The following PCDH9 variants were observed in gnomAD, a reference collection of about 807,000 sequenced individuals.
PCDH9 encodes the protein protocadherin 9.
A neutral mutation model predicts 70.6 loss-of-function variants in PCDH9; 24 were observed. The ratio of observed to expected loss-of-function variants is 0.34; its 90% CI spans 0.25 to 0.48. PCDH9 has a LOEUF of 0.48. PCDH9 is among the 20% of genes least tolerant of loss of function. The pLI, the probability that PCDH9 is intolerant of heterozygous loss-of-function variation, is 0.99. For missense variants in PCDH9, 1,281 were observed against 1,503.6 expected (o/e 0.85, Z 2.45); for synonymous variants, 562 against 558.5 (o/e 1.01, Z -0.09).
intron 3 of PCDH9, among the ~76,000 whole-genome samples, chr13:66,845,911 C>G (rs913859875): frequency 3.3e-5 from 5 of 152,034 alleles, no homozygotes; most frequent in African/African-American, 1.2e-4. Context: ...TATACTTTAT[C>G]ATATAAACAC....
At chr13:66,599,149 A>AAGCT (rs2077136106) in intron 4 of PCDH9, among the ~76,000 whole-genome samples, 1 of 151,686 alleles carries the variant, frequency 6.6e-6, no homozygotes, top group Non-Finnish European at 1.5e-5. Flanking sequence ...TATGCATTTT[A>AAGCT]TTTTCATTTA....
At position 67,127,674 on chromosome 13, in the gene PCDH9, A is replaced by ATGTGTG. The variant is rs772540157; in HGVS notation, c.3036+97730_3036+97731insCACACA. On this transcript the variant is annotated intron_variant, in intron 2 of 4. Transcript: ENST00000377865. ...CAAGACTTTTTTATCATATATATAT[A>ATGTGTG]TATGTGTGTGTGTGTGTGTGTGTGT... Among the ~76,000 whole-genome samples the ATGTGTG allele has an allele frequency of 1.2e-3, 74 of 59,248 alleles. 1 individual carries two copies. Among genetic ancestry groups the ATGTGTG allele is most frequent in the Admixed American group, 3.3e-3 (15 of 4,514 alleles). 38.9% of individuals were successfully genotyped at this position (59,248 alleles called of 152,430 possible).
At chr13:66,769,133 A>T (rs2079763931) in intron 3 of PCDH9, among the ~76,000 whole-genome samples, 1 of 152,134 alleles carries the variant, frequency 6.6e-6, no homozygotes, top group Admixed American at 6.5e-5. Flanking sequence ...TTAAGTCTCA[A>T]TCAGCCATCA....
At chr13:66,971,700 C>T (rs577550495) in intron 2 of PCDH9, among the ~76,000 whole-genome samples, 6 of 151,908 alleles carry the variant, frequency 3.9e-5, no homozygotes, top group African/African-American at 1.2e-4. Context: ...CAGAGGTATC[C>T]TTGAACATGT....
chr13:67,133,246 G>A (rs186102714), intron 2 of PCDH9, among the ~76,000 whole-genome samples: 2 of 152,198 alleles, frequency 1.3e-5, no homozygotes, highest in East Asian at 3.9e-4. Context: ...TCATAATTTT[G>A]ATGGGCCTTA....
At chr13:66,833,944 C>G (rs1209520812) in intron 3 of PCDH9, among the ~76,000 whole-genome samples, 1 of 152,018 alleles carries the variant, frequency 6.6e-6, no homozygotes, top group Non-Finnish European at 1.5e-5. Context: ...AATGAGCTGG[C>G]AAACACTGAA....
At chr13:67,184,711 A>G (rs2088705211) in intron 2 of PCDH9, among the ~76,000 whole-genome samples, 1 of 152,182 alleles carries the variant, frequency 6.6e-6, no homozygotes, top group Admixed American at 6.6e-5. Flanking sequence ...AGCCTGGGTG[A>G]AAAAGTGAGA....
rs1168418968 is a variant in PCDH9 at position 66,737,326 on chromosome 13, T to TA, written c.3139-105916dup. On this transcript the variant is annotated intron_variant, in intron 3 of 4. Transcript: ENST00000377865. ...AGCCCTTGTGCAGTTTTTCAGCCCT[T>TA]AGCAATAGACCACTGGTTCTTGAAA... Among the ~76,000 whole-genome samples, 3 of 152,206 alleles carry TA rather than the reference T, an allele frequency of 2.0e-5. No individual in the cohort carries two copies. In the East Asian group the frequency reaches 5.8e-4, roughly 29 times the overall value.
intron 3 of PCDH9, among the ~76,000 whole-genome samples, chr13:66,705,885 G>A (rs1434118861): frequency 1.3e-5 from 2 of 152,062 alleles, no homozygotes; most frequent in Non-Finnish European, 2.9e-5. Flanking sequence ...GCTCATTACT[G>A]AAAGGAAAAA....
At chr13:66,995,557 G>A (rs1342875652) in intron 2 of PCDH9, among the ~76,000 whole-genome samples, 1 of 152,090 alleles carries the variant, frequency 6.6e-6, no homozygotes, top group African/African-American at 2.4e-5. Context: ...TTTGAGGTTG[G>A]GTTAGGAAGT....
chr13:67,141,465 G>A (rs1467510756), intron 2 of PCDH9, among the ~76,000 whole-genome samples: 2 of 151,614 alleles, frequency 1.3e-5, no homozygotes, highest in Admixed American at 1.3e-4. Context: ...TTTTTAGATG[G>A]AGTCTAGCTC....
At position 67,108,713 on chromosome 13, in the gene PCDH9, C is replaced by T. The variant is rs370180043; in HGVS notation, c.3036+116692G>A. Among the ~76,000 whole-genome samples the T allele has an allele frequency of 1.4e-4, 22 of 152,044 alleles. 1 individual carries two copies. The highest frequency in any genetic ancestry group is 8.5e-4 in the Admixed American group (13 of 15,258). On this transcript the variant is annotated intron_variant, in intron 2 of 4. Coordinates refer to ENST00000377865, the MANE Select transcript of PCDH9 (RefSeq NM_203487.3). Reference sequence around the variant, plus strand: ...ACCATTTTTTAATCAAATAAATCTACAATTTTAATTACAGTGGGTACTATA... The same window carrying T: ...ACCATTTTTTAATCAAATAAATCTATAATTTTAATTACAGTGGGTACTATA...
chr13:66,976,095 G>C (rs2083614004), intron 2 of PCDH9, among the ~76,000 whole-genome samples: 1 of 152,030 alleles, frequency 6.6e-6, no homozygotes, highest in Admixed American at 6.6e-5. Context: ...TAAGACAGGA[G>C]ACGGTCCCTC....
chr13:67,113,623 C>A (rs2086700853), intron 2 of PCDH9, among the ~76,000 whole-genome samples: 1 of 151,914 alleles, frequency 6.6e-6, no homozygotes, highest in Non-Finnish European at 1.5e-5. Flanking sequence ...TCTCGGCTCA[C>A]TGCAAGCTCC....
At chr13:67,023,667 T>G (rs942261423) in intron 2 of PCDH9, among the ~76,000 whole-genome samples, 2 of 152,180 alleles carry the variant, frequency 1.3e-5, no homozygotes, top group African/African-American at 4.8e-5. Context: ...TCCTGGCACT[T>G]GATCAGCCTT....
chr13:66,615,632 A>G (rs1444191669), intron 4 of PCDH9, among the ~76,000 whole-genome samples: 1 of 152,230 alleles, frequency 6.6e-6, no homozygotes, highest in Non-Finnish European at 1.5e-5. Flanking sequence ...ATAAAGGAAA[A>G]TGTACAGAAA....
At chr13:66,579,303 A>C (rs1431150020) in intron 4 of PCDH9, among the ~76,000 whole-genome samples, 2 of 152,132 alleles carry the variant, frequency 1.3e-5, no homozygotes, top group Non-Finnish European at 2.9e-5. Flanking sequence ...AAAATCTACT[A>C]CATAAAATGA....
chr13:66,988,675 T>C (rs948320463), intron 2 of PCDH9, among the ~76,000 whole-genome samples: 3 of 151,920 alleles, frequency 2.0e-5, no homozygotes, highest in Non-Finnish European at 4.4e-5. Context: ...AATGAGGAAA[T>C]AATTAGTGGA....
chr13:66,507,722 G>C (rs1039590969), intron 4 of PCDH9, among the ~76,000 whole-genome samples: 1 of 150,576 alleles, frequency 6.6e-6, no homozygotes, highest in South Asian at 2.1e-4. Flanking sequence ...TTGTTTGTTT[G>C]TTTGTTTGTT....
Sources: gnomAD v4.1 joint callset for allele counts (sites outside exome capture counted in the v4.1 genomes callset) on GRCh38, gnomAD v4.1.1 for gene constraint, MANE v1.5 for transcripts, NCBI Gene and HGNC (gene_info 2026-07-23, HGNC 2026-07-21) for gene names.